The following GPHN variants were observed in gnomAD, a reference collection of about 807,000 sequenced individuals.
GPHN encodes gephyrin.
A neutral mutation model predicts 95.5 loss-of-function variants in GPHN; 17 were observed. The ratio of observed to expected loss-of-function variants is 0.18; its 90% confidence interval spans 0.12 to 0.27. GPHN has a LOEUF of 0.27. GPHN is among the 10% of genes least tolerant of loss of function. GPHN has a pLI of 1.00. For synonymous variants in GPHN, 320 were observed against 322.5 expected, an observed-to-expected ratio of 0.99 and a Z score of 0.08; for missense variants, 660 against 978.1, an observed-to-expected ratio of 0.67 and a Z score of 4.34.
At chr14:67,463,339 A>T in the GPHN span, among the ~76,000 whole-genome samples, 1 of 152,156 alleles carries the variant, frequency 6.6e-6, no homozygotes, top group Non-Finnish European at 1.5e-5. Flanking sequence ...CTAATATTCC[A>T]TTTTAAGATG....
At position 66,578,730 on chromosome 14, in the gene GPHN, G is replaced by C. The variant is rs140927019; in HGVS notation, c.64+70139G>C. Among the ~76,000 whole-genome samples the C allele has an allele frequency of 1.2e-4, 17 of 141,964 alleles. No individual in the cohort carries two copies. The East Asian group carries it at 2.9e-3, about 24-fold the overall frequency. The allele number at this position is 141,964 out of a possible 152,430, so 93.1% of individuals were successfully genotyped here. A position where few individuals can be genotyped will look rare whatever the true frequency, so the allele number is the denominator to read the frequency against. On this transcript the variant is annotated intron_variant, in intron 1 of 22. Transcript: ENST00000478722. ...AAAAAAAAACACCAGGAACCATAAAGTTGTCCCTCAGAAATGAAGGAGAGA... is the reference window on the plus strand; with the variant it reads ...AAAAAAAAACACCAGGAACCATAAACTTGTCCCTCAGAAATGAAGGAGAGA...
At chr14:67,244,942 A>G in the GPHN span, among the ~76,000 whole-genome samples, 1 of 152,140 alleles carries the variant, frequency 6.6e-6, no homozygotes, top group Non-Finnish European at 1.5e-5. Flanking sequence ...AAGGAAAGAG[A>G]GAGGCAGAAG....
At chr14:67,388,805 G>A in the GPHN span, among the ~76,000 whole-genome samples, 2 of 151,916 alleles carry the variant, frequency 1.3e-5, no homozygotes, top group East Asian at 3.9e-4. Context: ...TCAGTCTCCC[G>A]AGGAACTGGG....
At chr14:67,269,343 G>A in the GPHN span, among the ~76,000 whole-genome samples, 1 of 152,090 alleles carries the variant, frequency 6.6e-6, no homozygotes, top group African/African-American at 2.4e-5. Flanking sequence ...GTTTTTGTGT[G>A]TGTGTGTGTA....
At chr14:66,538,326 G>T (rs552674946) in intron 1 of GPHN, among the ~76,000 whole-genome samples, 2 of 147,648 alleles carry the variant, frequency 1.4e-5, no homozygotes, top group African/African-American at 4.9e-5. Flanking sequence ...TGGGTTAATG[G>T]TTTTTTTTTT....
At chr14:67,473,945 C>CG in the GPHN span, 7 of 1,581,904 alleles carry the variant, frequency 4.4e-6, no homozygotes, top group East Asian at 2.3e-5. The surrounding 1 kb of genome is among the most constrained non-coding windows in gnomAD (Gnocchi z 6.5). Context: ...GGGCTGGCTG[C>CG]GGGGGGCGCA....
the GPHN span, among the ~76,000 whole-genome samples, chr14:67,193,954 C>CAAAAAAAAACA: frequency 1.2e-5 from 1 of 85,760 alleles, no homozygotes; most frequent in Non-Finnish European, 2.5e-5. Context: ...CAAAAAAAAA[C>CAAAAAAAAACA]AAAAAAAAAA....
At chr14:67,571,828 G>T in the GPHN span, 1 of 1,613,946 alleles carries the variant, frequency 6.2e-7, no homozygotes, top group South Asian at 1.1e-5. Flanking sequence ...TCTCAGGCGA[G>T]TTTCCGAATC....
At chr14:67,562,941 A>G in the GPHN span, 1 of 1,566,718 alleles carries the variant, frequency 6.4e-7, no homozygotes, top group Non-Finnish European at 8.7e-7. Context: ...GCTAATGGCA[A>G]GAACACTGCT....
intron 1 of GPHN, among the ~76,000 whole-genome samples, chr14:66,554,875 G>A (rs951169265): frequency 1.3e-5 from 2 of 152,132 alleles, no homozygotes; most frequent in South Asian, 2.1e-4. Context: ...TGGACTGTTA[G>A]GCCAAGAATG....
intron 3 of GPHN, among the ~76,000 whole-genome samples, chr14:66,791,733 C>T (rs1010021243): frequency 6.6e-6 from 1 of 152,220 alleles, no homozygotes; most frequent in Non-Finnish European, 1.5e-5. Flanking sequence ...TGGATTTTGG[C>T]TGGCTTCTTT....
chr14:66,764,535 G>C (rs1438377753), intron 2 of GPHN, among the ~76,000 whole-genome samples: 1 of 152,002 alleles, frequency 6.6e-6, no homozygotes, highest in Non-Finnish European at 1.5e-5. Context: ...TGCCAGGTCA[G>C]GGCTGAGATT....
At chr14:67,323,924 A>AT in the GPHN span, 2 of 608,042 alleles carry the variant, frequency 3.3e-6, no homozygotes, top group Non-Finnish European at 5.7e-6. Flanking sequence ...CAAACTGATT[A>AT]TTTTTTCTGT....
chr14:67,111,734 C>A, intron 14 of GPHN, 127 bp from the exon 15 acceptor site: 2 of 761,882 alleles, frequency 2.6e-6, no homozygotes, highest in Admixed American at 2.0e-5. Flanking sequence ...AAGGGTGTAG[C>A]AAATAGTTTT....
At chr14:66,808,501 T>C (rs990412464) in intron 3 of GPHN, among the ~76,000 whole-genome samples, 2 of 152,220 alleles carry the variant, frequency 1.3e-5, no homozygotes, top group Non-Finnish European at 2.9e-5. Context: ...GTATCAAATT[T>C]ATGTATAAAA....
rs576861457 is a variant in GPHN, at chr14:66,719,907, T to G, written c.143+38722T>G. 6.6e-5 allele frequency among the ~76,000 whole-genome samples: 10 copies of G among 152,302 alleles called. No individual in the cohort carries two copies. The East Asian group carries it at 1.9e-3, about 29-fold the overall frequency. On this transcript the variant is annotated intron_variant, in intron 2 of 22. Transcript: ENST00000478722. ...GTACTACTAGTGACCATGTAAATCA[T>G]AAAACTTTGGAAACAAATTTGCCAT...
intron 1 of GPHN, among the ~76,000 whole-genome samples, chr14:66,549,019 T>C (rs1160957647): frequency 3.3e-5 from 5 of 152,158 alleles, no homozygotes; most frequent in African/African-American, 9.7e-5. Context: ...TTTTATTGGT[T>C]TCACTTTTTA....
At chr14:67,135,911 T>C (rs1259155876) in intron 17 of GPHN, among the ~76,000 whole-genome samples, 1 of 152,188 alleles carries the variant, frequency 6.6e-6, no homozygotes, top group Non-Finnish European at 1.5e-5. Flanking sequence ...CTTGGAGATA[T>C]TTCTACCACT....
the GPHN span, chr14:67,204,759 G>A: frequency 6.2e-6 from 10 of 1,613,170 alleles, no homozygotes; most frequent in Non-Finnish European, 8.5e-6. Flanking sequence ...CAGGAATTAC[G>A]AATAGCACAG....
Sources: gnomAD v4.1 joint callset for allele counts (sites outside exome capture counted in the v4.1 genomes callset) on GRCh38, gnomAD v4.1.1 for gene constraint, Gnocchi (gnomAD v3.1) non-coding constraint, MANE v1.5 for transcripts, NCBI Gene and HGNC (gene_info 2026-07-23, HGNC 2026-07-21) for gene names.